SYN2: variants seen among roughly 807,000 people sequenced by gnomAD.
The protein encoded by SYN2 is synapsin-2.
Under a neutral mutation model 50.9 loss-of-function variants are expected in SYN2, and 19 were observed. The observed-to-expected ratio is 0.37, with a 90% CI of 0.26 to 0.55. The LOEUF (loss-of-function observed/expected upper bound fraction) is 0.55. Ranked by LOEUF, SYN2 falls within the 20% of genes least tolerant of loss-of-function variation. The pLI is 0.81. For missense variants in SYN2, 587 were observed against 576.4 expected (o/e 1.02, Z -0.19); for synonymous variants, 255 against 224.9 (o/e 1.13, Z -1.20).
At chr3:12,006,129 C>G (rs1374387835) in intron 1 of SYN2, among the ~76,000 whole-genome samples, 3 of 152,034 alleles carry the variant, frequency 2.0e-5, no homozygotes, top group Non-Finnish European at 4.4e-5. Context: ...CTTTCTCTCT[C>G]TAGCATTCTC....
At chr3:12,179,530 C>T (rs1236612894) in intron 10 of SYN2, among the ~76,000 whole-genome samples, 1 of 152,160 alleles carries the variant, frequency 6.6e-6, no homozygotes, top group African/African-American at 2.4e-5. Context: ...AAGCTCACTA[C>T]TACCCAAGCC....
At chr3:12,153,494 T>C in intron 5 of SYN2, 1 of 1,612,326 alleles carries the variant, frequency 6.2e-7, no homozygotes, top group Non-Finnish European at 8.5e-7. Context: ...CTTGAAGGGA[T>C]GTGATGGTCA....
intron 1 of SYN2, among the ~76,000 whole-genome samples, chr3:12,009,729 T>G (rs148117017): frequency 1.1e-4 from 16 of 152,322 alleles, no homozygotes; most frequent in African/African-American, 3.1e-4. Context: ...TCTCACACTA[T>G]TAGTGACACC....
At chr3:12,174,899 C>T (rs1247578551) in intron 10 of SYN2, among the ~76,000 whole-genome samples, 3 of 152,196 alleles carry the variant, frequency 2.0e-5, no homozygotes, top group Non-Finnish European at 1.5e-5. Context: ...CACTCACTAT[C>T]AGTTGAGATT....
chr3:12,179,373 A>AG (rs1698170312), intron 10 of SYN2, among the ~76,000 whole-genome samples: 1 of 65,294 alleles, frequency 1.5e-5, no homozygotes, highest in African/African-American at 5.4e-5. Flanking sequence ...AAGAACTGAA[A>AG]GAAAAAAAAA....
At chr3:12,005,595 ATTGC>A (rs1693784541) in intron 1 of SYN2, among the ~76,000 whole-genome samples, 1 of 91,180 alleles carries the variant, frequency 1.1e-5, no homozygotes. Flanking sequence ...TTTTTTTTTG[ATTGC>A]TTGTTTTTCT....
At chr3:12,026,351 G>T (rs190148595) in intron 1 of SYN2, among the ~76,000 whole-genome samples, 45 of 151,780 alleles carry the variant, frequency 3.0e-4, no homozygotes, top group African/African-American at 8.7e-4. Flanking sequence ...TATCAACTTC[G>T]TGAAAGATCA....
At chr3:12,047,269 A>T (rs1037554075) in intron 1 of SYN2, among the ~76,000 whole-genome samples, 1 of 152,102 alleles carries the variant, frequency 6.6e-6, no homozygotes, top group Admixed American at 6.5e-5. Context: ...AACAGAAGGG[A>T]TGGAGGAGAA....
intron 1 of SYN2, among the ~76,000 whole-genome samples, chr3:12,095,047 C>T (rs1388124560): frequency 6.6e-6 from 1 of 152,032 alleles, no homozygotes; most frequent in Non-Finnish European, 1.5e-5. Flanking sequence ...AGTAAGATGG[C>T]CTAAGTTCTG....
intron 2 of SYN2, 62 bp from the exon 3 acceptor site, chr3:12,141,843 G>C: frequency 1.3e-6 from 1 of 774,888 alleles, no homozygotes; most frequent in Non-Finnish European, 2.4e-6. Context: ...TGTTGCTGCT[G>C]CTATGTAGAG....
At chr3:12,056,248 T>A (rs1694985476) in intron 1 of SYN2, among the ~76,000 whole-genome samples, 1 of 151,904 alleles carries the variant, frequency 6.6e-6, no homozygotes, top group South Asian at 2.1e-4. Flanking sequence ...AGGAAGTAAT[T>A]CCATAAAAGT....
chr3:12,169,425 T>C (rs1386161547), intron 9 of SYN2, among the ~76,000 whole-genome samples: 1 of 152,222 alleles, frequency 6.6e-6, no homozygotes, highest in Non-Finnish European at 1.5e-5. Flanking sequence ...CTTTCACATC[T>C]ACGTGCTCCC....
chr3:12,167,563 C>G (rs1697833268), intron 8 of SYN2, among the ~76,000 whole-genome samples: 1 of 151,924 alleles, frequency 6.6e-6, no homozygotes, highest in Admixed American at 6.6e-5. Flanking sequence ...TGGCACCATG[C>G]TTTTTGTACA....
intron 1 of SYN2, among the ~76,000 whole-genome samples, chr3:12,061,741 A>G (rs959100983): frequency 6.6e-6 from 1 of 152,026 alleles, no homozygotes; most frequent in African/African-American, 2.4e-5. Flanking sequence ...CCTGTATACC[A>G]CAATGAAAAA....
At chr3:12,035,633 T>TG (rs1694482809) in intron 1 of SYN2, among the ~76,000 whole-genome samples, 1 of 152,106 alleles carries the variant, frequency 6.6e-6, no homozygotes, top group South Asian at 2.1e-4. Flanking sequence ...CCGGAAAAGG[T>TG]GGGGCATCTC....
chr3:12,108,640 C>G (rs1299926654), intron 1 of SYN2, among the ~76,000 whole-genome samples: 2 of 151,802 alleles, frequency 1.3e-5, no homozygotes, highest in African/African-American at 2.4e-5. Context: ...TTGTAAAGGC[C>G]TTTTAATTCT....
At chr3:12,075,321 C>T (rs1170797485) in intron 1 of SYN2, among the ~76,000 whole-genome samples, 1 of 152,140 alleles carries the variant, frequency 6.6e-6, no homozygotes, top group Non-Finnish European at 1.5e-5. Context: ...GCTTCATTTT[C>T]TCCAAAGAAA....
intron 1 of SYN2, among the ~76,000 whole-genome samples, chr3:12,008,782 G>C (rs974794850): frequency 6.6e-6 from 1 of 152,164 alleles, no homozygotes; most frequent in Non-Finnish European, 1.5e-5. Flanking sequence ...AAGGTTTCTC[G>C]GAACAAGTGA....
intron 1 of SYN2, among the ~76,000 whole-genome samples, chr3:12,100,405 G>T (rs1445336163): frequency 6.6e-6 from 1 of 152,114 alleles, no homozygotes; most frequent in Admixed American, 6.5e-5. Context: ...GTCAACAAAA[G>T]GTGCTGGGGC....
Sources: gnomAD v4.1 joint callset for allele counts (sites outside exome capture counted in the v4.1 genomes callset) on GRCh38, gnomAD v4.1.1 for gene constraint, MANE v1.5 for transcripts, NCBI Gene and HGNC (gene_info 2026-07-23, HGNC 2026-07-21) for gene names.